Variants in STARD9 observed in about 807,000 individuals in gnomAD.
STARD9 encodes StAR related lipid transfer domain containing 9, also known as stAR-related lipid transfer protein 9.
Under a neutral mutation model 399.8 loss-of-function variants are expected in STARD9, and 346 were observed. The observed-to-expected ratio is 0.87, with a 90% CI of 0.79 to 0.95. STARD9 has a LOEUF of 0.95. Ranked by LOEUF, STARD9 falls within the 40% of genes least tolerant of loss-of-function variation. The probability of loss-of-function intolerance (pLI) is 0.00; values close to 1 mark genes in which losing one functional copy is unlikely to be tolerated. For missense variants in STARD9, 5,832 were observed against 5,667.5 expected, an observed-to-expected ratio of 1.03 and a Z score of -0.93; for synonymous variants, 2,203 against 2,143.5, an observed-to-expected ratio of 1.03 and a Z score of -0.77.
rs1262457040 is a variant in STARD9, at chr15:42,692,562, G to T, written c.10984G>T (p.Glu3662Ter). Residue 3662 changes from glutamate to a stop codon, truncating the protein, a stop_gained, in exon 23 of 33, where the codon GAA (glutamate) becomes TAA (stop). Transcript: ENST00000290607. LOFTEE classifies it high-confidence loss of function. ...SSTDISFAQP[E>*]ASAVSAFDLA... ...CACTGACATCTCCTTTGCTCAGCCT[G>T]AAGCCAGTGCAGTATCAGCCTTTGA... 1.3e-6 allele frequency: 2 copies of T among 1,537,102 alleles called. No homozygotes were observed. The highest frequency in any genetic ancestry group is 1.7e-6 in the Non-Finnish European group (2 of 1,146,928).
rs60284149 is a variant in STARD9, at chr15:42,578,625, GTT to G, written c.47+2877_47+2878del. Among the ~76,000 whole-genome samples the G allele has an allele frequency of 3.6e-3, 492 of 138,400 alleles. 6 individuals carry two copies. Among genetic ancestry groups the G allele is most frequent in the African/African-American group, 0.012 (463 of 38,408 alleles). 90.8% of individuals were successfully genotyped at this position (138,400 alleles called of 152,430 possible). On this transcript the variant is annotated intron_variant, in intron 1 of 32. Transcript: ENST00000290607. ...TACTCTTTACCCACTGTATAGCTTT[GTT>G]TTTTTTTTTTTTTAAAGTTTTTCCA... is the stretch of plus-strand genomic sequence containing the variant.
rs1410032230 is a variant in STARD9 at position 42,663,305 on chromosome 15, G to A, written c.893G>A (p.Ser298Asn). The A allele has an allele frequency of 6.5e-7, 1 of 1,533,988 alleles. No homozygotes were observed. Residue 298 changes from serine to asparagine, a missense_variant, in exon 12 of 33, where the codon AGC becomes AAC. By Grantham distance (46) the Ser-to-Asn change is conservative. Around this residue, in one of 2 missense-constraint regions of STARD9, gnomAD observed 5,828 missense variants for 5,651.1 expected, o/e 1.03. Coordinates refer to ENST00000290607, the MANE Select transcript of STARD9 (RefSeq NM_020759.3). ...GCCCAGAACTCCCAAGTTTTCAGCAGCTGCCAGAGCCTCAACAGCTCAGTC... is the reference window on the plus strand; with the variant it reads ...GCCCAGAACTCCCAAGTTTTCAGCAACTGCCAGAGCCTCAACAGCTCAGTC... The part of the protein sequence containing the change: ...TLAQNSQVFS[S>N]CQSLNSSVSN...
chr15:42,622,325 T>C (rs759560583), intron 3 of STARD9, among the ~76,000 whole-genome samples: 11 of 152,112 alleles, frequency 7.2e-5, no homozygotes, highest in Non-Finnish European at 1.6e-4. Flanking sequence ...TTTCTCATTA[T>C]CACCTGTAGC....
chr15:42,605,840 G>T (rs2058713123), intron 3 of STARD9, among the ~76,000 whole-genome samples: 1 of 152,178 alleles, frequency 6.6e-6, no homozygotes, highest in African/African-American at 2.4e-5. Context: ...TTCCTCCCCT[G>T]TTAAACTAAT....
intron 3 of STARD9, among the ~76,000 whole-genome samples, chr15:42,598,474 T>A (rs1338465623): frequency 2.6e-5 from 4 of 152,160 alleles, no homozygotes; most frequent in Admixed American, 6.5e-5. Flanking sequence ...AATGAATTTT[T>A]AAAATATTTA....
intron 3 of STARD9, among the ~76,000 whole-genome samples, chr15:42,619,875 G>A (rs1288845392): frequency 1.3e-5 from 2 of 152,194 alleles, no homozygotes; most frequent in Admixed American, 6.5e-5. Flanking sequence ...TGAATATACT[G>A]TTGAGCTAAT....
At chr15:42,615,723 A>T (rs1252684687) in intron 3 of STARD9, among the ~76,000 whole-genome samples, 1 of 151,964 alleles carries the variant, frequency 6.6e-6, no homozygotes, top group Non-Finnish European at 1.5e-5. Flanking sequence ...ATTAAAAAAA[A>T]AAAAGGAGAT....
chr15:42,629,242 A>G (rs1037794199), intron 3 of STARD9, among the ~76,000 whole-genome samples: 4 of 151,836 alleles, frequency 2.6e-5, no homozygotes. Flanking sequence ...CTGATATTCA[A>G]CTCTTGCACT....
In STARD9 at chr15:42,652,455, G is replaced by A. The variant is rs1047765060; in HGVS notation, c.630-65G>A. 1.1e-5 allele frequency: 15 copies of A among 1,327,502 alleles called. No individual in the cohort carries two copies. The African/African-American group carries it at 2.0e-4, about 18-fold the overall frequency. 82.2% of individuals were successfully genotyped at this position (1,327,502 alleles called of 1,614,324 possible). ...CACTAACATTTCTTGTATTCTGTATGGATCCTTAAGAATCCACCATGTGTA... is the reference window on the plus strand; with the variant it reads ...CACTAACATTTCTTGTATTCTGTATAGATCCTTAAGAATCCACCATGTGTA... On this transcript the variant is annotated intron_variant, in intron 8 of 32. Coordinates refer to ENST00000290607, the MANE Select transcript of STARD9 (RefSeq NM_020759.3).
intron 16 of STARD9, chr15:42,671,101 A>T (rs1215650571): frequency 6.6e-6 from 1 of 150,844 alleles, no homozygotes; most frequent in Non-Finnish European, 1.5e-5. Context: ...ATGAATGATG[A>T]ACTCATCTGA....
intron 26 of STARD9, among the ~76,000 whole-genome samples, chr15:42,705,519 C>T (rs1477631238): frequency 6.6e-6 from 1 of 151,972 alleles, no homozygotes; most frequent in African/African-American, 2.4e-5. Context: ...CTGCAACCTC[C>T]GCCTCCCAGG....
intron 26 of STARD9, among the ~76,000 whole-genome samples, chr15:42,707,862 A>G (rs943408623): frequency 2.0e-5 from 3 of 152,132 alleles, no homozygotes; most frequent in African/African-American, 7.2e-5. Flanking sequence ...TGGGAGTGTG[A>G]AATGGGGATG....
At chr15:42,654,687 GAA>G (rs944693589) in intron 9 of STARD9, among the ~76,000 whole-genome samples, 6 of 145,506 alleles carry the variant, frequency 4.1e-5, no homozygotes, top group Non-Finnish European at 6.1e-5. Context: ...TACAATAGCT[GAA>G]AAAAAAAAAT....
intron 3 of STARD9, chr15:42,630,001 T>C (rs1173922722): frequency 3.6e-5 from 4 of 111,298 alleles, no homozygotes; most frequent in African/African-American, 2.3e-4. Flanking sequence ...CTTTTTTTTC[T>C]TTTTTTTTTT....
At chr15:42,643,583 C>T (rs2059585033) in intron 7 of STARD9, among the ~76,000 whole-genome samples, 2 of 152,114 alleles carry the variant, frequency 1.3e-5, no homozygotes, top group Non-Finnish European at 2.9e-5. Context: ...CTCTGCCTCC[C>T]GGGTTCAAGC....
chr15:42,719,340 C>T, intron 32 of STARD9, 133 bp from the exon 33 acceptor site: 2 of 631,404 alleles, frequency 3.2e-6, no homozygotes, highest in Non-Finnish European at 5.6e-6. Context: ...AGCCCAGGGG[C>T]CTGTAAACAC....
intron 26 of STARD9, among the ~76,000 whole-genome samples, chr15:42,699,392 C>CTTTTCTTTTTTTTTTTTT (rs1359323091): frequency 8.8e-6 from 1 of 113,280 alleles, no homozygotes; most frequent in African/African-American, 4.1e-5. Flanking sequence ...TTTTTCTTTT[C>CTTTTCTTTTTTTTTTTTT]TTTTTTTTTT....
intron 3 of STARD9, among the ~76,000 whole-genome samples, chr15:42,592,058 C>A (rs1290930762): frequency 2.0e-5 from 3 of 152,138 alleles, no homozygotes; most frequent in Non-Finnish European, 4.4e-5. Flanking sequence ...AAAAGAAATA[C>A]CATTTAGCCT....
intron 9 of STARD9, among the ~76,000 whole-genome samples, chr15:42,653,009 T>C (rs934778505): frequency 6.6e-6 from 1 of 152,156 alleles, no homozygotes; most frequent in Admixed American, 6.5e-5. Context: ...TACTCTCATA[T>C]TTATAGGTCC....
Sources: gnomAD v4.1 joint callset for allele counts (sites outside exome capture counted in the v4.1 genomes callset) on GRCh38, gnomAD v4.1.1 for gene constraint, gnomAD v4.1.1 regional missense constraint, MANE v1.5 for transcripts, NCBI Gene and HGNC (gene_info 2026-07-23, HGNC 2026-07-21) for gene names.